Variants in DNAH7 observed in about 807,000 individuals in gnomAD.
The protein encoded by DNAH7 is axonemal beta dynein heavy chain 7.
A neutral mutation model predicts 444.6 loss-of-function variants in DNAH7; 397 were observed. The ratio of observed to expected loss-of-function variants is 0.89; its 90% CI spans 0.82 to 0.97. The LOEUF (loss-of-function observed/expected upper bound fraction) is 0.97. Ranked by LOEUF, DNAH7 falls within the 50% of genes least tolerant of loss-of-function variation. The pLI is 0.00. For missense variants in DNAH7, 4,902 were observed against 4,800.8 expected, an observed-to-expected ratio of 1.02 and a Z score of -0.62; for synonymous variants, 1,636 against 1,624.4, an observed-to-expected ratio of 1.01 and a Z score of -0.17.
intron 46 of DNAH7, among the ~76,000 whole-genome samples, chr2:195,851,118 G>C (rs1699334549): frequency 6.6e-6 from 1 of 152,206 alleles, no homozygotes; most frequent in Admixed American, 6.5e-5. Flanking sequence ...AAGCCAGGAA[G>C]GGCTCTGGTC....
At position 195,796,742 on chromosome 2, in the gene DNAH7, G is replaced by C; in HGVS notation, c.10354-5C>G. On this transcript the variant is annotated splice_region_variant and splice_polypyrimidine_tract_variant and intron_variant, in intron 55 of 64. Coordinates refer to ENST00000312428, the MANE Select transcript of DNAH7 (RefSeq NM_018897.3). The stretch of plus-strand genomic sequence containing the variant: ...AAGTTTTGATCCCCCATATCCCTGT[G>C]TACAAGAATAGTAGAGATGTTATTT... 1 of 1,609,370 alleles carries C rather than the reference G, an allele frequency of 6.2e-7. No individual in the cohort carries two copies.
intron 12 of DNAH7, among the ~76,000 whole-genome samples, chr2:195,992,384 C>T (rs1408784756): frequency 6.6e-6 from 1 of 152,128 alleles, no homozygotes; most frequent in East Asian, 1.9e-4. Flanking sequence ...GTTTTTTTCC[C>T]AAACTTACAC....
At chr2:195,744,189 A>C (rs1031089025) in intron 63 of DNAH7, among the ~76,000 whole-genome samples, 2 of 152,252 alleles carry the variant, frequency 1.3e-5, no homozygotes, top group African/African-American at 4.8e-5. Flanking sequence ...CGGGCTTAAA[A>C]AACGGCGCAC....
At chr2:195,973,566 T>A (rs552098383) in intron 15 of DNAH7, among the ~76,000 whole-genome samples, 2 of 151,726 alleles carry the variant, frequency 1.3e-5, no homozygotes, top group East Asian at 2.0e-4. Context: ...CAGCCTCCCA[T>A]GTTCAAGCGA....
intron 47 of DNAH7, among the ~76,000 whole-genome samples, chr2:195,834,922 A>C (rs1455815938): frequency 6.6e-6 from 1 of 152,230 alleles, no homozygotes; most frequent in Non-Finnish European, 1.5e-5. Context: ...AGGGACACTT[A>C]AGTGTTAACA....
chr2:195,976,754 AG>A (rs1559294871), intron 15 of DNAH7, among the ~76,000 whole-genome samples: 7,394 of 128,246 alleles, frequency 0.058, 643 homozygotes, highest in African/African-American at 0.21. Flanking sequence ...AGACAGAGAG[AG>A]AGAGAGAGAG....
chr2:195,801,278 T>C (rs1303818903), intron 54 of DNAH7, among the ~76,000 whole-genome samples: 1 of 152,032 alleles, frequency 6.6e-6, no homozygotes, highest in Non-Finnish European at 1.5e-5. Flanking sequence ...AAGTACTTTT[T>C]TTCCTGCTCT....
intron 47 of DNAH7, among the ~76,000 whole-genome samples, chr2:195,839,303 A>T (rs1442983457): frequency 6.6e-6 from 1 of 151,848 alleles, no homozygotes; most frequent in Non-Finnish European, 1.5e-5. Context: ...TTCAAAAAAA[A>T]TTAGAAAATT....
intron 48 of DNAH7, among the ~76,000 whole-genome samples, chr2:195,830,611 G>C (rs893318648): frequency 6.6e-6 from 1 of 152,194 alleles, no homozygotes; most frequent in Admixed American, 6.5e-5. Context: ...GAAAGTTTCA[G>C]TGTTGGTACT....
At chr2:196,026,354 C>CT (rs553657210) in intron 7 of DNAH7, among the ~76,000 whole-genome samples, 33 of 152,098 alleles carry the variant, frequency 2.2e-4, no homozygotes, top group Non-Finnish European at 4.3e-4. Context: ...AATGCTTACA[C>CT]TTTTAGGTAA....
chr2:195,872,545 A>G, intron 39 of DNAH7, 76 bp from the exon 40 acceptor site: 10 of 921,994 alleles, frequency 1.1e-5, no homozygotes, highest in Non-Finnish European at 1.6e-5. Flanking sequence ...GATATTTAGC[A>G]GGACCAACAT....
At chr2:195,831,640 G>A (rs1317160670) in intron 48 of DNAH7, among the ~76,000 whole-genome samples, 1 of 152,210 alleles carries the variant, frequency 6.6e-6, no homozygotes, top group Non-Finnish European at 1.5e-5. Context: ...ATGTTAGAAA[G>A]CATTGTAAAT....
At chr2:195,896,346 T>C (rs1042637112) in intron 29 of DNAH7, among the ~76,000 whole-genome samples, 1 of 152,102 alleles carries the variant, frequency 6.6e-6, no homozygotes, top group Non-Finnish European at 1.5e-5. Flanking sequence ...TTCTTATGTG[T>C]CTTTCAAAGA....
intron 10 of DNAH7, among the ~76,000 whole-genome samples, chr2:196,009,589 T>C (rs1053940459): frequency 6.6e-6 from 1 of 152,130 alleles, no homozygotes; most frequent in Non-Finnish European, 1.5e-5. Flanking sequence ...AGATATTCAG[T>C]ATTACATTGG....
intron 28 of DNAH7, among the ~76,000 whole-genome samples, chr2:195,898,707 G>A (rs1298512003): frequency 1.3e-5 from 2 of 152,196 alleles, no homozygotes; most frequent in Admixed American, 6.5e-5. Flanking sequence ...CCACATGTTA[G>A]CAAGTTCCAC....
intron 21 of DNAH7, among the ~76,000 whole-genome samples, chr2:195,934,017 T>TA (rs35679713): frequency 0.078 from 11,402 of 146,730 alleles, 790 homozygotes; most frequent in African/African-American, 0.19. Context: ...CACACTACAG[T>TA]AAAAAAAAAA....
At chr2:196,006,817 G>A (rs905638328) in intron 10 of DNAH7, among the ~76,000 whole-genome samples, 6 of 151,688 alleles carry the variant, frequency 4.0e-5, no homozygotes, top group Non-Finnish European at 8.8e-5. Context: ...AGAATACTTA[G>A]AAAAAAATTA....
At chr2:195,894,918 C>T in intron 30 of DNAH7, 58 bp downstream of exon 30, 2 of 1,407,766 alleles carry the variant, frequency 1.4e-6, no homozygotes, top group South Asian at 1.8e-5. Flanking sequence ...AATAATGGTA[C>T]ATTCTACCTT....
chr2:195,797,503 C>T (rs1304638277), intron 55 of DNAH7, among the ~76,000 whole-genome samples: 1 of 152,148 alleles, frequency 6.6e-6, no homozygotes, highest in Non-Finnish European at 1.5e-5. Flanking sequence ...ACATAGGAGC[C>T]AGAGAATAAT....
Sources: gnomAD v4.1 joint callset for allele counts (sites outside exome capture counted in the v4.1 genomes callset) on GRCh38, gnomAD v4.1.1 for gene constraint, MANE v1.5 for transcripts, NCBI Gene and HGNC (gene_info 2026-07-23, HGNC 2026-07-21) for gene names.